Variants in FER observed in about 807,000 individuals in gnomAD.
FER encodes tyrosine-protein kinase Fer.
In FER, 63 loss-of-function variants were observed where a neutral mutation model predicts 111.0. The ratio of observed to expected loss-of-function variants is 0.57; its 90% CI spans 0.46 to 0.70. The LOEUF is 0.70. Among genes scored for constraint, FER ranks in the 30% least tolerant of loss-of-function variants. FER has a pLI of 0.00. For missense variants in FER, 914 were observed against 954.0 expected, an observed-to-expected ratio of 0.96 and a Z score of 0.55; for synonymous variants, 327 against 313.9, an observed-to-expected ratio of 1.04 and a Z score of -0.44.
In FER at chr5:109,191,270, A is replaced by G. The variant is rs1759356083; in HGVS notation, c.*3695A>G. 1 of 152,194 alleles carries G rather than the reference A, an allele frequency of 6.6e-6. No homozygotes were observed. Among genetic ancestry groups the G allele is most frequent in the Non-Finnish European group, 1.5e-5 (1 of 68,022 alleles). 9.4% of individuals were successfully genotyped at this position (152,194 alleles called of 1,614,324 possible). The stretch of plus-strand genomic sequence containing the variant: ...ACTTTATAATTAATTCTGGTGAGTC[A>G]TCAGATGTAGGAATGTACCTGAAAA... On this transcript the variant is annotated 3_prime_UTR_variant, in exon 20 of 20. Coordinates refer to ENST00000281092, the MANE Select transcript of FER (RefSeq NM_005246.4).
intron 16 of FER, among the ~76,000 whole-genome samples, chr5:109,050,803 C>A (rs537563059): frequency 8.1e-4 from 124 of 152,238 alleles, no homozygotes; most frequent in African/African-American, 3.0e-3. Context: ...AGAAAGCTAA[C>A]CTTCAAAGTG....
In FER at chr5:108,756,043, A is replaced by G. The variant is rs911991945; in HGVS notation, c.-206+8043A>G. On this transcript the variant is annotated intron_variant, in intron 1 of 19. Coordinates refer to ENST00000281092, the MANE Select transcript of FER (RefSeq NM_005246.4). ...ATGGCACGCACCTGTAATCCCAGCT[A>G]CTTGGGAGACTGAGGCAGGAGAATT... is the stretch of plus-strand genomic sequence containing the variant. Among the ~76,000 whole-genome samples, 8 of 151,064 alleles carry G rather than the reference A, an allele frequency of 5.3e-5. No homozygotes were observed. In the South Asian group the frequency reaches 1.0e-3, roughly 20 times the overall value.
chr5:108,790,235 C>CCACACACACA (rs66805209), intron 2 of FER, among the ~76,000 whole-genome samples: 12,836 of 145,050 alleles, frequency 0.088, 555 homozygotes, highest in African/African-American at 0.1. Flanking sequence ...TGCATACACA[C>CCACACACACA]CACACACACA....
intron 5 of FER, among the ~76,000 whole-genome samples, chr5:108,864,526 G>C (rs921389606): frequency 5.9e-5 from 9 of 152,150 alleles, no homozygotes; most frequent in Non-Finnish European, 1.0e-4. Context: ...GGAGCCTGCC[G>C]TCAAAAATTC....
At chr5:108,897,183 G>A (rs763574645) in intron 9 of FER, among the ~76,000 whole-genome samples, 33 of 152,070 alleles carry the variant, frequency 2.2e-4, no homozygotes, top group Non-Finnish European at 4.3e-4. Flanking sequence ...TTCACTTGCC[G>A]CCAGACACAC....
chr5:109,053,855 T>A (rs749786565), intron 16 of FER, among the ~76,000 whole-genome samples: 1 of 151,962 alleles, frequency 6.6e-6, no homozygotes, highest in Admixed American at 6.6e-5. Context: ...CATGCCCGGC[T>A]AATTTTTTTG....
intron 13 of FER, among the ~76,000 whole-genome samples, chr5:108,996,231 A>G (rs1227974140): frequency 1.3e-5 from 2 of 152,110 alleles, no homozygotes; most frequent in Non-Finnish European, 2.9e-5. Context: ...CTCTGATGAT[A>G]GTTTCTTTTG....
intron 10 of FER, among the ~76,000 whole-genome samples, chr5:108,904,708 A>T (rs1389358603): frequency 6.6e-6 from 1 of 152,166 alleles, no homozygotes; most frequent in Non-Finnish European, 1.5e-5. Context: ...TGTGTAAGAT[A>T]TATTTTAGGT....
intron 13 of FER, among the ~76,000 whole-genome samples, chr5:108,968,712 G>GA (rs1292222567): frequency 1.3e-5 from 2 of 151,834 alleles, no homozygotes; most frequent in Non-Finnish European, 2.9e-5. Context: ...TTAGAAAAGG[G>GA]AAAAATATAA....
intron 13 of FER, among the ~76,000 whole-genome samples, chr5:108,968,622 C>T (rs1013914310): frequency 6.6e-6 from 1 of 151,360 alleles, no homozygotes. Context: ...TCACCCAAAA[C>T]GAGGAAAATC....
chr5:109,076,880 A>G (rs1043826166), intron 16 of FER, among the ~76,000 whole-genome samples: 1 of 152,196 alleles, frequency 6.6e-6, no homozygotes, highest in Non-Finnish European at 1.5e-5. Context: ...TCACTTTTGA[A>G]TCTTCACTTC....
chr5:108,911,407 A>G (rs1019534870), intron 10 of FER, among the ~76,000 whole-genome samples: 1 of 152,084 alleles, frequency 6.6e-6, no homozygotes, highest in African/African-American at 2.4e-5. Flanking sequence ...ATTTTCTCCT[A>G]TACTGTAGAT....
chr5:108,865,615 A>C (rs1355143894), intron 5 of FER, among the ~76,000 whole-genome samples: 2 of 152,230 alleles, frequency 1.3e-5, no homozygotes, highest in Non-Finnish European at 2.9e-5. Context: ...GCTTCTGCAC[A>C]GCAAAAGAAA....
intron 3 of FER, among the ~76,000 whole-genome samples, chr5:108,830,016 C>G (rs1759871004): frequency 6.6e-6 from 1 of 152,224 alleles, no homozygotes; most frequent in South Asian, 2.1e-4. Flanking sequence ...TAGAAACTTT[C>G]AGGAAGAGAT....
chr5:108,844,618 TC>T (rs1260736153), intron 5 of FER, among the ~76,000 whole-genome samples: 1 of 152,062 alleles, frequency 6.6e-6, no homozygotes, highest in Non-Finnish European at 1.5e-5. Context: ...CCTGAAAAAT[TC>T]CTAGTGCCCT....
intron 1 of FER, among the ~76,000 whole-genome samples, chr5:108,754,491 C>T (rs1750866494): frequency 6.6e-6 from 1 of 151,370 alleles, no homozygotes; most frequent in South Asian, 2.1e-4. Context: ...CTGTAAGGGA[C>T]CCAAGTTATT....
chr5:108,877,984 C>T (rs929244754), intron 8 of FER, among the ~76,000 whole-genome samples: 1 of 152,070 alleles, frequency 6.6e-6, no homozygotes, highest in Non-Finnish European at 1.5e-5. Context: ...CTGCTCACTG[C>T]AGCCTCTGCC....
At chr5:108,892,170 G>T (rs1271303345) in intron 9 of FER, among the ~76,000 whole-genome samples, 1 of 152,020 alleles carries the variant, frequency 6.6e-6, no homozygotes, top group Non-Finnish European at 1.5e-5. Context: ...TAGTCCTTTG[G>T]GTATATACCC....
At position 108,911,603 on chromosome 5, in the gene FER, C is replaced by T. The variant is rs192645081; in HGVS notation, c.1236+13755C>T. Among the ~76,000 whole-genome samples the T allele has an allele frequency of 1.9e-3, 283 of 152,164 alleles. 2 individuals are homozygous for T. The highest frequency in any genetic ancestry group is 6.2e-3 in the African/African-American group (256 of 41,532). The stretch of plus-strand genomic sequence containing the variant: ...TGGAATTTTTATAGTTTCAGGTTTA[C>T]GTTTGAGTCTTTAATCCATCTCGAG... On this transcript the variant is annotated intron_variant, in intron 10 of 19. Transcript: ENST00000281092.
Sources: allele counts gnomAD v4.1 joint callset (sites outside exome capture counted in the v4.1 genomes callset), GRCh38; gene constraint gnomAD v4.1.1; transcripts MANE v1.5; gene names NCBI Gene and HGNC (gene_info 2026-07-23, HGNC 2026-07-21).